USH2A: variants seen among roughly 807,000 people sequenced by gnomAD.
USH2A encodes the protein usherin.
In USH2A, 443 loss-of-function variants were observed where a neutral mutation model predicts 538.9. The ratio of observed to expected loss-of-function variants is 0.82; its 90% CI spans 0.76 to 0.89. USH2A has a LOEUF of 0.89. Ranked by LOEUF, USH2A falls within the 40% of genes least tolerant of loss-of-function variation. The pLI is 0.00. For synonymous variants in USH2A, 2,413 were observed against 2,273.5 expected (o/e 1.06, Z -1.75); for missense variants, 6,633 against 6,324.8 (o/e 1.05, Z -1.65).
chr1:215,686,367 T>C (rs2797245), intron 61 of USH2A, among the ~76,000 whole-genome samples: 111,969 of 151,770 alleles, frequency 0.74, 41,781 homozygotes, highest in East Asian at 0.9. Flanking sequence ...TTGATCCAGG[T>C]CAGGAAAGAT....
At chr1:216,411,561 C>A (rs1017266022) in intron 3 of USH2A, among the ~76,000 whole-genome samples, 1 of 152,140 alleles carries the variant, frequency 6.6e-6, no homozygotes, top group Non-Finnish European at 1.5e-5. Flanking sequence ...AGTGATGTAG[C>A]TACAAGCTAA....
At chr1:215,765,016 A>T (rs1479402822) in intron 56 of USH2A, among the ~76,000 whole-genome samples, 1 of 152,044 alleles carries the variant, frequency 6.6e-6, no homozygotes, top group African/African-American at 2.4e-5. Context: ...CTCATATCAC[A>T]TTACCCTGCA....
At chr1:216,064,062 C>T (rs1373766639) in intron 30 of USH2A, among the ~76,000 whole-genome samples, 1 of 152,112 alleles carries the variant, frequency 6.6e-6, no homozygotes, top group Admixed American at 6.5e-5. Flanking sequence ...TAAGGAGCAC[C>T]GCCTACCAGC....
intron 61 of USH2A, among the ~76,000 whole-genome samples, chr1:215,714,509 G>T (rs12122359): frequency 0.14 from 21,043 of 152,146 alleles, 1,608 homozygotes; most frequent in East Asian, 0.31. Flanking sequence ...TAATATTAAT[G>T]CATGCATGCA....
At chr1:216,339,289 A>T (rs2038031407) in intron 4 of USH2A, among the ~76,000 whole-genome samples, 1 of 151,598 alleles carries the variant, frequency 6.6e-6, no homozygotes, top group African/African-American at 2.4e-5. Flanking sequence ...TATATATATG[A>T]GCACTTACAT....
chr1:216,331,100 A>G (rs2037852541), intron 4 of USH2A, among the ~76,000 whole-genome samples: 1 of 151,742 alleles, frequency 6.6e-6, no homozygotes, highest in East Asian at 1.9e-4. Flanking sequence ...CATAAAAAAG[A>G]GTTACAGCAA....
intron 21 of USH2A, among the ~76,000 whole-genome samples, chr1:216,115,652 G>A (rs1185409864): frequency 1.3e-5 from 2 of 151,574 alleles, no homozygotes; most frequent in South Asian, 2.1e-4. Context: ...CCCTTTATAC[G>A]TACTGTATTT....
chr1:216,126,003 T>G (rs1037987164), intron 21 of USH2A, among the ~76,000 whole-genome samples: 2 of 152,194 alleles, frequency 1.3e-5, no homozygotes, highest in African/African-American at 4.8e-5. Flanking sequence ...CTTTGGAAAT[T>G]TACATTTCAA....
intron 21 of USH2A, among the ~76,000 whole-genome samples, chr1:216,151,962 G>A (rs2033844293): frequency 6.6e-6 from 1 of 151,852 alleles, no homozygotes; most frequent in South Asian, 2.1e-4. Flanking sequence ...ACCATATCCA[G>A]GCCATCACCA....
chr1:215,889,197 T>C, intron 40 of USH2A, 143 bp from the exon 41 acceptor site: 1 of 988,836 alleles, frequency 1.0e-6, no homozygotes, highest in East Asian at 2.6e-5. Flanking sequence ...ATAAGTGCCA[T>C]AAAGACAAGG....
rs1660919422 is a variant in USH2A, at chr1:215,759,603, A to T, written c.11231+57T>A. On this transcript the variant is annotated intron_variant, in intron 57 of 71. Transcript: ENST00000307340. ...TCAGTGGGACATGCATTTCTTATCA[A>T]CCCAGAGAAATGTACAAATCCTGCT... The T allele has an allele frequency of 6.3e-6, 10 of 1,599,626 alleles. No individual in the cohort carries two copies. In the South Asian group the frequency reaches 1.1e-4, roughly 18 times the overall value.
rs1462571463 is a variant in USH2A, at chr1:215,680,239, T to C, written c.12204A>G (p.Gly4068=). ...LIQTLESSPS[G]LRNFIVEQKE... is the part of the protein sequence containing the mutation. ...TCTGTTCTACTATAAAGTTTCTCAG[T>C]CCACTTGGGGAAGATTCTAAGGTTT... Residue 4068 remains glycine (G), a synonymous_variant, in exon 62 of 72, where the codon GGA becomes GGG. Coordinates refer to ENST00000307340, the MANE Select transcript of USH2A (RefSeq NM_206933.4). 1.9e-6 allele frequency: 3 copies of C among 1,614,032 alleles called. No individual in the cohort carries two copies. Among genetic ancestry groups the C allele is most frequent in the South Asian group, 2.2e-5 (2 of 91,080 alleles).
chr1:216,095,820 C>T (rs1195119285), intron 22 of USH2A, among the ~76,000 whole-genome samples: 2 of 152,120 alleles, frequency 1.3e-5, no homozygotes, highest in Non-Finnish European at 2.9e-5. Flanking sequence ...AATGGATCTC[C>T]AGGGTTCATG....
intron 43 of USH2A, among the ~76,000 whole-genome samples, chr1:215,867,452 TTTCTTA>T (rs1466005304): frequency 2.6e-5 from 4 of 152,216 alleles, no homozygotes; most frequent in Non-Finnish European, 5.9e-5. Flanking sequence ...GGTTTATCAT[TTTCTTA>T]TTCTTATTGT....
rs367577684 is a variant in USH2A, at chr1:216,305,299, A to G, written c.1645-12929T>C. Among the ~76,000 whole-genome samples, 86 of 152,064 alleles carry G rather than the reference A, an allele frequency of 5.7e-4. 1 individual carries two copies. Among genetic ancestry groups the G allele is most frequent in the African/African-American group, 2.0e-3 (85 of 41,498 alleles). ...TCTTTGTTAACTGCTGTTGCTTTGA[A>G]GTTTGTTTTGTCTGATATAAGAATA... On this transcript the variant is annotated intron_variant, in intron 9 of 71. Coordinates refer to ENST00000307340, the MANE Select transcript of USH2A (RefSeq NM_206933.4).
Position 216,178,277 on chromosome 1 carries a change from A to G in USH2A, c.4397-2795T>C, listed in dbSNP as rs547480414. Among the ~76,000 whole-genome samples, 4 of 152,322 alleles carry G rather than the reference A, an allele frequency of 2.6e-5. No homozygotes were observed. The South Asian group carries it at 8.3e-4, about 32-fold the overall frequency. On this transcript the variant is annotated intron_variant, in intron 20 of 71. Coordinates refer to ENST00000307340, the MANE Select transcript of USH2A (RefSeq NM_206933.4). Reference sequence around the variant, plus strand: ...GATATTTTATTTTTATATATGTATGAATCTGTGAATTATATGCATAATTTC... The same window carrying G: ...GATATTTTATTTTTATATATGTATGGATCTGTGAATTATATGCATAATTTC...
At chr1:216,221,995 G>A (rs1003557349) in intron 14 of USH2A, among the ~76,000 whole-genome samples, 3 of 152,102 alleles carry the variant, frequency 2.0e-5, no homozygotes, top group African/African-American at 7.2e-5. Flanking sequence ...ATGAGACAGT[G>A]AGCTCCTTTT....
At position 215,636,077 on chromosome 1, in the gene USH2A, A is replaced by T. The variant is rs373308538; in HGVS notation, c.15053-1374T>A. Among the ~76,000 whole-genome samples the T allele has an allele frequency of 1.2e-4, 19 of 152,184 alleles. No homozygotes were observed. In the East Asian group the frequency reaches 3.3e-3, roughly 26 times the overall value. ...AGCGGCCACACAGGCTGGTGTGGAG[A>T]TGTGAGCCAGAGAGCTGCTCATCTA... is the stretch of plus-strand genomic sequence containing the variant. On this transcript the variant is annotated intron_variant, in intron 69 of 71. Coordinates refer to ENST00000307340, the MANE Select transcript of USH2A (RefSeq NM_206933.4).
intron 21 of USH2A, among the ~76,000 whole-genome samples, chr1:216,166,275 T>C (rs945808698): frequency 6.6e-6 from 1 of 151,984 alleles, no homozygotes; most frequent in Non-Finnish European, 1.5e-5. Flanking sequence ...AAGGTATCAA[T>C]ATGTTCAAAG....
Sources: gnomAD v4.1 joint callset for allele counts (sites outside exome capture counted in the v4.1 genomes callset) on GRCh38, gnomAD v4.1.1 for gene constraint, MANE v1.5 for transcripts, NCBI Gene and HGNC (gene_info 2026-07-23, HGNC 2026-07-21) for gene names.